Variants in KCNIP1 observed in about 807,000 individuals in gnomAD.
KCNIP1 encodes the protein potassium voltage-gated channel interacting protein 1.
Under a neutral mutation model 33.0 loss-of-function variants are expected in KCNIP1, and 18 were observed. The observed-to-expected ratio is 0.55, with a 90% CI of 0.38 to 0.81. The LOEUF (loss-of-function observed/expected upper bound fraction) is 0.81. Among genes scored for constraint, KCNIP1 ranks in the 30% least tolerant of loss-of-function variants. The pLI is 0.00. For synonymous variants in KCNIP1, 93 were observed against 98.3 expected, an observed-to-expected ratio of 0.95 and a Z score of 0.32; for missense variants, 238 against 271.6, an observed-to-expected ratio of 0.88 and a Z score of 0.87.
intron 1 of KCNIP1, among the ~76,000 whole-genome samples, chr5:170,442,625 T>C (rs1471997235): frequency 6.6e-6 from 1 of 151,772 alleles, no homozygotes; most frequent in African/African-American, 2.4e-5. Context: ...CACTCAGGAG[T>C]TTCCCATTTC....
chr5:170,397,201 C>A (rs963614031), intron 1 of KCNIP1, among the ~76,000 whole-genome samples: 5 of 152,170 alleles, frequency 3.3e-5, no homozygotes, highest in Non-Finnish European at 7.4e-5. Context: ...TCTTTGAAAT[C>A]CCCTTGGCCA....
rs111834011 is a variant in KCNIP1 at position 170,656,869 on chromosome 5, C to T, written c.62-61889C>T. Among the ~76,000 whole-genome samples the T allele has an allele frequency of 2.1e-3, 324 of 152,336 alleles. 2 individuals are homozygous for T. The highest frequency in any genetic ancestry group is 6.4e-3 in the African/African-American group (265 of 41,574). On this transcript the variant is annotated intron_variant, in intron 1 of 7. Transcript: ENST00000328939. ...ACAGGTCAGCAAGGCCCTTGGCTCC[C>T]GCTGTGGCCCTCACCCATGCCCATC...
chr5:170,634,744 T>A (rs1760218872), intron 1 of KCNIP1, among the ~76,000 whole-genome samples: 2 of 152,234 alleles, frequency 1.3e-5, no homozygotes, highest in South Asian at 4.1e-4. Context: ...GCCAGGCAGA[T>A]GTGTCCTGAA....
chr5:170,383,936 A>C (rs1322186905), intron 1 of KCNIP1: 1 of 1,404,072 alleles, frequency 7.1e-7, no homozygotes, highest in Non-Finnish European at 9.7e-7. Flanking sequence ...ATCCCCTGGG[A>C]GCCTCTAGAG....
chr5:170,600,349 C>T (rs1758645902), intron 1 of KCNIP1, among the ~76,000 whole-genome samples: 1 of 152,214 alleles, frequency 6.6e-6, no homozygotes, highest in African/African-American at 2.4e-5. Flanking sequence ...AGCGTCCAGG[C>T]TTTAGCACAG....
At chr5:170,473,609 G>A (rs1273545467) in intron 1 of KCNIP1, among the ~76,000 whole-genome samples, 1 of 152,116 alleles carries the variant, frequency 6.6e-6, no homozygotes, top group Non-Finnish European at 1.5e-5. Flanking sequence ...GAGCACCAGG[G>A]CCCCTGGCAG....
intron 1 of KCNIP1, among the ~76,000 whole-genome samples, chr5:170,567,287 C>T (rs1217180378): frequency 6.6e-6 from 1 of 152,220 alleles, no homozygotes; most frequent in African/African-American, 2.4e-5. Context: ...TCCCCACCAA[C>T]TACAGTTATC....
intron 1 of KCNIP1, among the ~76,000 whole-genome samples, chr5:170,643,363 A>T (rs1760653266): frequency 6.8e-6 from 1 of 146,356 alleles, no homozygotes; most frequent in Non-Finnish European, 1.5e-5. Flanking sequence ...TTGTTAAGCT[A>T]GCAAATTTGC....
chr5:170,697,521 C>A (rs1237216220), intron 1 of KCNIP1, among the ~76,000 whole-genome samples: 1 of 152,180 alleles, frequency 6.6e-6, no homozygotes, highest in African/African-American at 2.4e-5. Flanking sequence ...GCACTAGTCT[C>A]AGGAAGAGAT....
intron 1 of KCNIP1, among the ~76,000 whole-genome samples, chr5:170,709,924 G>A (rs1331119593): frequency 6.6e-6 from 1 of 151,974 alleles, no homozygotes; most frequent in East Asian, 1.9e-4. Flanking sequence ...CTGGAGTGCA[G>A]TAGCACAATC....
chr5:170,679,398 G>A (rs940576384), intron 1 of KCNIP1: 2 of 152,192 alleles, frequency 1.3e-5, no homozygotes, highest in Non-Finnish European at 2.9e-5. Context: ...AGATTTTCCC[G>A]AGTCTCAATC....
chr5:170,594,629 G>A (rs903778375), intron 1 of KCNIP1, among the ~76,000 whole-genome samples: 4 of 152,122 alleles, frequency 2.6e-5, no homozygotes, highest in East Asian at 1.9e-4. Flanking sequence ...TCCTGCCTCA[G>A]CCTCCTGAGT....
intron 1 of KCNIP1, among the ~76,000 whole-genome samples, chr5:170,445,642 G>A (rs547424637): frequency 2.6e-5 from 4 of 152,244 alleles, no homozygotes; most frequent in Admixed American, 1.3e-4. Flanking sequence ...CTGAATGCTC[G>A]CTGAGGAGAG....
intron 1 of KCNIP1, among the ~76,000 whole-genome samples, chr5:170,592,374 G>C (rs1758294096): frequency 6.6e-6 from 1 of 152,204 alleles, no homozygotes; most frequent in African/African-American, 2.4e-5. Flanking sequence ...TCGTGTTACA[G>C]TAAAGCCAAC....
At chr5:170,652,496 AAAAAGGAAGG>A (rs1171193595) in intron 1 of KCNIP1, among the ~76,000 whole-genome samples, 221 of 108,430 alleles carry the variant, frequency 2.0e-3, no homozygotes, top group African/African-American at 6.5e-3. Context: ...AAAAAAAAAA[AAAAAGGAAGG>A]AAGGAAGGAA....
chr5:170,559,570 T>C (rs534133391), intron 1 of KCNIP1, among the ~76,000 whole-genome samples: 1 of 152,322 alleles, frequency 6.6e-6, no homozygotes, highest in African/African-American at 2.4e-5. Flanking sequence ...CTGAGTCTTA[T>C]GTTTGGGTCC....
intron 1 of KCNIP1, among the ~76,000 whole-genome samples, chr5:170,714,186 C>T (rs937712411): frequency 6.6e-6 from 1 of 152,178 alleles, no homozygotes; most frequent in African/African-American, 2.4e-5. Flanking sequence ...GTGAGTCCTC[C>T]CACTGCTCAC....
chr5:170,378,853 C>T lies in KCNIP1; in HGVS notation c.88+24889C>T, dbSNP rs148835131. The T allele has an allele frequency of 1.1e-4, 178 of 1,614,252 alleles. No homozygotes were observed. The African/African-American group carries it at 1.7e-3, about 16-fold the overall frequency. On this transcript the variant is annotated intron_variant, in intron 1 of 7. Transcript: ENST00000377360. ...AGGCGCTGGAATAGGACGCTGGTTT[C>T]GTTCCCCCGAGGTGCGGAGAAGCAG...
chr5:170,503,719 G>T (rs1385846100), upstream of KCNIP1, among the ~76,000 whole-genome samples: 3 of 105,968 alleles, frequency 2.8e-5, no homozygotes, highest in Non-Finnish European at 6.1e-5. Flanking sequence ...ACGCACGCAC[G>T]CACATCACAC....
Sources: allele counts gnomAD v4.1 joint callset (sites outside exome capture counted in the v4.1 genomes callset), GRCh38; gene constraint gnomAD v4.1.1; transcripts MANE v1.5; gene names NCBI Gene and HGNC (gene_info 2026-07-23, HGNC 2026-07-21).